Variants in FOXO1 observed in about 807,000 individuals in gnomAD.
The protein encoded by FOXO1 is forkhead box protein O1.
In FOXO1, 6 loss-of-function variants were observed where a neutral mutation model predicts 44.1. That is an observed-to-expected ratio of 0.14 (90% CI 0.07 to 0.27). The LOEUF (loss-of-function observed/expected upper bound fraction) is 0.27, where lower values mean the gene tolerates loss of function less well. FOXO1 is among the 10% of genes least tolerant of loss of function. FOXO1 has a pLI of 1.00. For synonymous variants in FOXO1, 380 were observed against 362.7 expected, an observed-to-expected ratio of 1.05 and a Z score of -0.54; for missense variants, 737 against 888.8, an observed-to-expected ratio of 0.83 and a Z score of 2.17.
chr13:40,565,602 C>A (rs1874235862), intron 1 of FOXO1, among the ~76,000 whole-genome samples: 1 of 152,198 alleles, frequency 6.6e-6, no homozygotes, highest in Non-Finnish European at 1.5e-5. Context: ...AGCACAGGGA[C>A]CTTTGTCTGT....
chr13:40,597,465 T>C (rs765625956), intron 1 of FOXO1, among the ~76,000 whole-genome samples: 7 of 152,202 alleles, frequency 4.6e-5, no homozygotes, highest in East Asian at 1.9e-4. Flanking sequence ...AGGCCCTTTT[T>C]TATCAGTCCG....
chr13:40,564,782 A>G (rs1369357498), intron 1 of FOXO1, among the ~76,000 whole-genome samples: 1 of 149,466 alleles, frequency 6.7e-6, no homozygotes, highest in African/African-American at 2.4e-5. Context: ...ACGGCACTAG[A>G]GAAACACAAG....
At chr13:40,644,787 A>T (rs1877460485) in intron 1 of FOXO1, among the ~76,000 whole-genome samples, 1 of 152,208 alleles carries the variant, frequency 6.6e-6, no homozygotes, top group Admixed American at 6.6e-5. Flanking sequence ...CTGAGAATTT[A>T]ACTCCTTTTA....
chr13:40,618,851 A>C (rs992144011), intron 1 of FOXO1: 1 of 527,768 alleles, frequency 1.9e-6, no homozygotes, highest in African/African-American at 1.9e-5. Context: ...CACAGAGAAG[A>C]GGCCTGAGAA....
At chr13:40,622,777 C>T (rs116749378) in intron 1 of FOXO1, among the ~76,000 whole-genome samples, 122 of 152,220 alleles carry the variant, frequency 8.0e-4, no homozygotes, top group African/African-American at 2.9e-3. Flanking sequence ...ATCATTATTC[C>T]TCAGATTCCA....
intron 1 of FOXO1, among the ~76,000 whole-genome samples, chr13:40,576,726 C>T (rs190002200): frequency 5.3e-5 from 8 of 152,264 alleles, no homozygotes; most frequent in Admixed American, 1.3e-4. Context: ...TTCAAACTTA[C>T]GGCATAATCT....
At chr13:40,584,534 G>A (rs375799194) in intron 1 of FOXO1, among the ~76,000 whole-genome samples, 12 of 138,838 alleles carry the variant, frequency 8.6e-5, no homozygotes, top group African/African-American at 3.2e-4. Flanking sequence ...TATAGTCCTA[G>A]CTATTCAGGA....
At chr13:40,657,250 C>T (rs571922876) in intron 1 of FOXO1, among the ~76,000 whole-genome samples, 10 of 151,808 alleles carry the variant, frequency 6.6e-5, no homozygotes, top group African/African-American at 1.9e-4. Context: ...GAAATTCTTC[C>T]AATTTTGCTG....
At chr13:40,584,136 A>C (rs146248585) in intron 1 of FOXO1, among the ~76,000 whole-genome samples, 1 of 152,276 alleles carries the variant, frequency 6.6e-6, no homozygotes, top group Non-Finnish European at 1.5e-5. Context: ...TTATCAGTTA[A>C]GTTTGCAGTC....
chr13:40,645,606 AC>A (rs1280447119), intron 1 of FOXO1, among the ~76,000 whole-genome samples: 1 of 152,222 alleles, frequency 6.6e-6, no homozygotes, highest in Non-Finnish European at 1.5e-5. Context: ...ACCAGCAATG[AC>A]CTTTAAAGAA....
intron 1 of FOXO1, among the ~76,000 whole-genome samples, chr13:40,566,979 C>A (rs1314603107): frequency 6.6e-6 from 1 of 152,102 alleles, no homozygotes; most frequent in Non-Finnish European, 1.5e-5. Flanking sequence ...CCTCTGCTTG[C>A]AGCTCTCTGC....
chr13:40,662,968 A>G (rs1360877372), intron 1 of FOXO1, among the ~76,000 whole-genome samples: 2 of 152,272 alleles, frequency 1.3e-5, no homozygotes, highest in African/African-American at 4.8e-5. Context: ...CCAAAAGACT[A>G]GTTATGAGTT....
intron 1 of FOXO1, among the ~76,000 whole-genome samples, chr13:40,571,654 G>A (rs188171175): frequency 1.4e-4 from 22 of 152,258 alleles, no homozygotes; most frequent in East Asian, 7.7e-4. Context: ...TGCTGCTTCC[G>A]CCTAATGGCT....
chr13:40,666,458 G>A lies in FOXO1; in HGVS notation c.-246C>T. 2 of 370,546 alleles carry A rather than the reference G, an allele frequency of 5.4e-6. No homozygotes were observed. The highest frequency in any genetic ancestry group is 9.6e-6 in the Non-Finnish European group (2 of 207,328). The allele number at this position is 370,546 out of a possible 1,614,324, so 23.0% of individuals were successfully genotyped here. A position where few individuals can be genotyped will look rare whatever the true frequency, so the allele number is the denominator to read the frequency against. On this transcript the variant is annotated 5_prime_UTR_variant, in exon 1 of 3. Coordinates refer to ENST00000379561, the MANE Select transcript of FOXO1 (RefSeq NM_002015.4). ...GCCGCACGGACTGGACGGCCGGCCA[G>A]AGCCGCCGGGCCGGGGCAGAGCCTG...
At chr13:40,665,506 C>G (rs941777564) in intron 1 of FOXO1, 77 bp downstream of exon 1, 8 of 1,211,688 alleles carry the variant, frequency 6.6e-6, no homozygotes, top group Admixed American at 3.8e-5. Flanking sequence ...ACCTTCAGGC[C>G]GAGCAAACCT....
intron 1 of FOXO1, among the ~76,000 whole-genome samples, chr13:40,571,746 T>C (rs1009482646): frequency 2.0e-5 from 3 of 152,236 alleles, no homozygotes; most frequent in Non-Finnish European, 4.4e-5. Flanking sequence ...CTGTTCCTAA[T>C]GAAAATCTTT....
rs11344939 is a variant in FOXO1 at position 40,654,322 on chromosome 13, T to TA, written c.630+11260dup. 1.9e-3 allele frequency among the ~76,000 whole-genome samples: 91 copies of TA among 48,192 alleles called. 3 individuals carry two copies. The highest frequency in any genetic ancestry group is 2.5e-3 in the African/African-American group (37 of 15,048). 31.6% of individuals were successfully genotyped at this position (48,192 alleles called of 152,430 possible). A position where few individuals can be genotyped will look rare whatever the true frequency, so the allele number is the denominator to read the frequency against. ...GAAACCTCATCTCTACTAAAAATAC[T>TA]AAAAAAAAAAAAAAAAAAAAAAAAA... On this transcript the variant is annotated intron_variant, in intron 1 of 2. Coordinates refer to ENST00000379561, the MANE Select transcript of FOXO1 (RefSeq NM_002015.4).
chr13:40,641,090 T>C (rs995686944), intron 1 of FOXO1, among the ~76,000 whole-genome samples: 2 of 152,220 alleles, frequency 1.3e-5, no homozygotes, highest in East Asian at 3.9e-4. Context: ...GGCCAGTGTT[T>C]GTTATTTCTA....
At chr13:40,662,044 G>A (rs1878051887) in intron 1 of FOXO1, among the ~76,000 whole-genome samples, 1 of 151,648 alleles carries the variant, frequency 6.6e-6, no homozygotes, top group Non-Finnish European at 1.5e-5. Flanking sequence ...GGTGGCACGT[G>A]CCAGTAGTCC....
Sources: allele counts gnomAD v4.1 joint callset (sites outside exome capture counted in the v4.1 genomes callset), GRCh38; gene constraint gnomAD v4.1.1; transcripts MANE v1.5; gene names NCBI Gene and HGNC (gene_info 2026-07-23, HGNC 2026-07-21).